PRKG1: variants seen among roughly 807,000 people sequenced by gnomAD.
PRKG1 encodes the protein cGMP-dependent protein kinase 1.
PRKG1 carries 35 observed loss-of-function variants against 88.1 expected under a neutral mutation model. The ratio of observed to expected loss-of-function variants is 0.40; its 90% CI spans 0.30 to 0.53. The LOEUF (loss-of-function observed/expected upper bound fraction) is 0.53. Ranked by LOEUF, PRKG1 falls within the 20% of genes least tolerant of loss-of-function variation. The pLI, the probability that PRKG1 is intolerant of heterozygous loss-of-function variation, is 0.59. For missense variants in PRKG1, 540 were observed against 839.8 expected, an observed-to-expected ratio of 0.64 and a Z score of 4.41; for synonymous variants, 303 against 292.5, an observed-to-expected ratio of 1.04 and a Z score of -0.37.
At chr10:51,045,328 T>C (rs143630857) in intron 1 of PRKG1, among the ~76,000 whole-genome samples, 2,340 of 152,080 alleles carry the variant, frequency 0.015, 32 homozygotes, top group Non-Finnish European at 0.021. Flanking sequence ...TTTATTTATT[T>C]ATTTATTTTT....
chr10:51,758,752 A>G (rs1411511529), intron 3 of PRKG1, among the ~76,000 whole-genome samples: 2 of 152,080 alleles, frequency 1.3e-5, no homozygotes, highest in Non-Finnish European at 2.9e-5. Context: ...ACAGGCATAC[A>G]TGTGCCATGA....
intron 4 of PRKG1, among the ~76,000 whole-genome samples, chr10:51,823,689 A>AT (rs1254299521): frequency 1.3e-5 from 2 of 152,002 alleles, no homozygotes; most frequent in Non-Finnish European, 1.5e-5. Flanking sequence ...TTAGCTATGC[A>AT]TTTTTTAGGT....
At chr10:51,611,983 T>A (rs148949138) in intron 3 of PRKG1, among the ~76,000 whole-genome samples, 1 of 152,120 alleles carries the variant, frequency 6.6e-6, no homozygotes, top group East Asian at 1.9e-4. Context: ...TCTACTCTTT[T>A]CTATTGGCCA....
At chr10:51,598,596 G>A (rs574879079) in intron 3 of PRKG1, among the ~76,000 whole-genome samples, 22 of 152,284 alleles carry the variant, frequency 1.4e-4, no homozygotes, top group African/African-American at 2.6e-4. Flanking sequence ...TTAGTCACTC[G>A]ATAGAAGTTG....
intron 4 of PRKG1, among the ~76,000 whole-genome samples, chr10:51,879,910 G>A (rs1186117349): frequency 6.6e-6 from 1 of 152,220 alleles, no homozygotes; most frequent in Non-Finnish European, 1.5e-5. Flanking sequence ...GGCAAGCAAG[G>A]AAATTGTAGC....
chr10:50,991,025 A>AG lies in PRKG1; in HGVS notation c.-349dup, dbSNP rs912652999. On this transcript the variant is annotated 5_prime_UTR_variant, in exon 1 of 18. Transcript: ENST00000401604. This position sits in a 1 kb window ranked among gnomAD's most constrained non-coding sequence, Gnocchi z 4.5. ...CGTATTCTCACGGAGTGACTAGGAG[A>AG]GGGGGACGAGGGAGGGGGTCTCAGG... The AG allele has an allele frequency of 1.4e-4, 29 of 213,968 alleles. No individual in the cohort carries two copies. The highest frequency in any genetic ancestry group is 7.1e-4 in the African/African-American group (28 of 39,566). 13.3% of individuals were successfully genotyped at this position (213,968 alleles called of 1,614,324 possible).
chr10:51,689,826 G>A (rs950216975), intron 3 of PRKG1, among the ~76,000 whole-genome samples: 7 of 151,926 alleles, frequency 4.6e-5, no homozygotes, highest in Admixed American at 2.6e-4. Flanking sequence ...AGATGAAAAT[G>A]AGTCTGGCAA....
intron 2 of PRKG1, among the ~76,000 whole-genome samples, chr10:51,464,849 C>T (rs1821140721): frequency 6.8e-6 from 1 of 146,402 alleles, no homozygotes; most frequent in Non-Finnish European, 1.5e-5. Flanking sequence ...CGAGATCCCG[C>T]CACTGCACTC....
At chr10:51,994,051 T>A (rs1410047771) in intron 5 of PRKG1, among the ~76,000 whole-genome samples, 1 of 152,164 alleles carries the variant, frequency 6.6e-6, no homozygotes, top group African/African-American at 2.4e-5. Flanking sequence ...GACCACATAC[T>A]TCCTTTAGCA....
intron 3 of PRKG1, among the ~76,000 whole-genome samples, chr10:51,602,250 G>A (rs780226099): frequency 6.6e-6 from 1 of 152,052 alleles, no homozygotes; most frequent in Non-Finnish European, 1.5e-5. Context: ...ACTGGTAAAT[G>A]GAACTATTGC....
At chr10:51,173,962 G>T (rs1837121444) in intron 2 of PRKG1, among the ~76,000 whole-genome samples, 1 of 151,712 alleles carries the variant, frequency 6.6e-6, no homozygotes, top group African/African-American at 2.4e-5. Flanking sequence ...ATAGAGAACT[G>T]GTTACGACTT....
intron 2 of PRKG1, among the ~76,000 whole-genome samples, chr10:51,427,462 G>A (rs571723423): frequency 1.3e-5 from 2 of 152,262 alleles, no homozygotes; most frequent in South Asian, 4.1e-4. Flanking sequence ...GTGCTGGGTA[G>A]GATATATAGA....
intron 3 of PRKG1, among the ~76,000 whole-genome samples, chr10:51,680,422 G>T (rs1010223425): frequency 1.3e-5 from 2 of 152,186 alleles, no homozygotes; most frequent in Non-Finnish European, 2.9e-5. Context: ...TTGTTCCTGG[G>T]TTTCATTCCT....
intron 2 of PRKG1, among the ~76,000 whole-genome samples, chr10:51,435,447 A>T (rs1051866319): frequency 6.6e-6 from 1 of 151,562 alleles, no homozygotes; most frequent in Non-Finnish European, 1.5e-5. Flanking sequence ...TATATATGTC[A>T]TATGACATAT....
At chr10:51,745,740 G>A (rs1837560122) in intron 3 of PRKG1, among the ~76,000 whole-genome samples, 1 of 152,178 alleles carries the variant, frequency 6.6e-6, no homozygotes, top group South Asian at 2.1e-4. Context: ...TGGGCGTGGT[G>A]TCTCACGCCT....
At position 51,067,947 on chromosome 10, in the gene PRKG1, C is replaced by A. The variant is rs79724010; in HGVS notation, c.266+76303C>A. 2.4e-4 allele frequency among the ~76,000 whole-genome samples: 37 copies of A among 152,082 alleles called. No homozygotes were observed. In the East Asian group the frequency reaches 6.0e-3, roughly 25 times the overall value. ...TTTCAATAATGAATTTTTAAAAATC[C>A]AGTCTAGACCATGAAGGAATTACTG... is the stretch of plus-strand genomic sequence containing the variant. On this transcript the variant is annotated intron_variant, in intron 1 of 17. Transcript: ENST00000401604.
intron 3 of PRKG1, among the ~76,000 whole-genome samples, chr10:51,722,881 A>G (rs959870167): frequency 8.5e-5 from 13 of 152,208 alleles, no homozygotes; most frequent in Non-Finnish European, 1.3e-4. Context: ...AGAAAAGTTC[A>G]TAATCCATGT....
At chr10:52,007,962 A>G (rs1012554402) in intron 5 of PRKG1, among the ~76,000 whole-genome samples, 23 of 152,294 alleles carry the variant, frequency 1.5e-4, no homozygotes, top group African/African-American at 5.1e-4. Context: ...ATTGAAATCA[A>G]TACCAAGAAA....
chr10:52,239,219 C>A (rs1399564083), intron 9 of PRKG1, among the ~76,000 whole-genome samples: 3 of 134,610 alleles, frequency 2.2e-5, no homozygotes, highest in African/African-American at 8.2e-5. Flanking sequence ...ATACCTAATG[C>A]TAGATGACAA....
Sources: allele counts gnomAD v4.1 joint callset (sites outside exome capture counted in the v4.1 genomes callset), GRCh38; gene constraint gnomAD v4.1.1; non-coding constraint Gnocchi (gnomAD v3.1); transcripts MANE v1.5; gene names NCBI Gene and HGNC (gene_info 2026-07-23, HGNC 2026-07-21).